The following NUAK2 variants were observed in gnomAD, a reference collection of about 807,000 sequenced individuals.
NUAK2 encodes the protein NUAK family SNF1-like kinase 2.
In NUAK2, 20 loss-of-function variants were observed where a neutral mutation model predicts 29.8. The ratio of observed to expected loss-of-function variants is 0.67; its 90% CI spans 0.47 to 0.98. The LOEUF (loss-of-function observed/expected upper bound fraction) is 0.98, where lower values mean the gene tolerates loss of function less well. NUAK2 is among the 50% of genes least tolerant of loss of function. The pLI, the probability that NUAK2 is intolerant of heterozygous loss-of-function variation, is 0.00. For synonymous variants in NUAK2, 331 were observed against 342.6 expected, an observed-to-expected ratio of 0.97 and a Z score of 0.37; for missense variants, 719 against 834.5, an observed-to-expected ratio of 0.86 and a Z score of 1.71.
chr1:205,314,081 A>G (rs777442069), intron 1 of NUAK2, among the ~76,000 whole-genome samples: 7 of 152,236 alleles, frequency 4.6e-5, no homozygotes, highest in Non-Finnish European at 1.0e-4. Flanking sequence ...TTGCAGGGGC[A>G]GCAGGCCCTG....
At chr1:205,306,518 A>G (rs767155432) in intron 4 of NUAK2, among the ~76,000 whole-genome samples, 7 of 152,176 alleles carry the variant, frequency 4.6e-5, no homozygotes, top group Non-Finnish European at 1.0e-4. Flanking sequence ...AGGAGCATCT[A>G]GACAGAGCTT....
At position 205,304,577 on chromosome 1, in the gene NUAK2, G is replaced by A; in HGVS notation, c.824-64C>T. The A allele has an allele frequency of 7.6e-7, 1 of 1,320,308 alleles. No homozygotes were observed. The highest frequency in any genetic ancestry group is 1.0e-6 in the Non-Finnish European group (1 of 979,918). 81.8% of individuals were successfully genotyped at this position (1,320,308 alleles called of 1,614,324 possible). A position where few individuals can be genotyped will look rare whatever the true frequency, so the allele number is the denominator to read the frequency against. ...CCAGAATAGGCACTCCCTGTCCCCT[G>A]TCCCCAGCTCATCCCCTTTTGAGCT... On this transcript the variant is annotated intron_variant, in intron 6 of 6. Transcript: ENST00000367157. This position sits in a 1 kb window ranked among gnomAD's most constrained non-coding sequence, Gnocchi z 6.5.
At position 205,304,256 on chromosome 1, in the gene NUAK2, C is replaced by T. The variant is rs1401371364; in HGVS notation, c.1081G>A (p.Gly361Arg). 3 of 1,614,120 alleles carry T rather than the reference C, an allele frequency of 1.9e-6. No individual in the cohort carries two copies. In the East Asian group the frequency reaches 6.7e-5, roughly 36 times the overall value. ...TCCAGGCCAGGGGTGGTGCTTCCCC[C>T]ACCAGGTGCATGCTGCTTGAAGAAG... ...CSFFKQHAPG[G>R]GSTTPGLERQ... The change falls in exon 7 of 7, where the codon GGG (glycine) becomes AGG (arginine). Residue 361 changes from glycine (G) to arginine (R), a missense_variant. Gly to Arg is a moderately radical substitution (Grantham distance 125). Transcript: ENST00000367157. This position sits in a 1 kb window ranked among gnomAD's most constrained non-coding sequence, Gnocchi z 6.5.
In NUAK2 at chr1:205,308,254, C is replaced by A; in HGVS notation, c.505-24G>T. 1 of 1,560,522 alleles carries A rather than the reference C, an allele frequency of 6.4e-7. No homozygotes were observed. The highest frequency in any genetic ancestry group is 8.7e-7 in the Non-Finnish European group (1 of 1,147,656). On this transcript the variant is annotated intron_variant, in intron 3 of 6. Coordinates refer to ENST00000367157, the MANE Select transcript of NUAK2 (RefSeq NM_030952.3). The surrounding 1 kb of genome is among the most constrained non-coding windows in gnomAD (Gnocchi z 4.1). ...TTCTGAAAGAAGGAGAGGGCAGTCA[C>A]GGGAAGGTCACCAGGGAAGGGAAGA...
rs1257510501 is a variant in NUAK2 at position 205,308,028 on chromosome 1, C to T, written c.570+137G>A. On this transcript the variant is annotated intron_variant, in intron 4 of 6. Coordinates refer to ENST00000367157, the MANE Select transcript of NUAK2 (RefSeq NM_030952.3). This position sits in a 1 kb window ranked among gnomAD's most constrained non-coding sequence, Gnocchi z 4.1. ...GTTGGAATGGATGATGGCTGAGGTC[C>T]CTACCAGTACCAATGAAGGTCAGCC... is the stretch of plus-strand genomic sequence containing the variant. 1.6e-6 allele frequency: 1 copy of T among 636,322 alleles called. No individual in the cohort carries two copies. The highest frequency in any genetic ancestry group is 1.9e-5 in the African/African-American group (1 of 53,046). The allele number at this position is 636,322 out of a possible 1,614,324, so 39.4% of individuals were successfully genotyped here.
At chr1:205,313,592 C>G (rs1042114417) in intron 1 of NUAK2, among the ~76,000 whole-genome samples, 2 of 152,064 alleles carry the variant, frequency 1.3e-5, no homozygotes, top group Non-Finnish European at 2.9e-5. Flanking sequence ...AGGCGCGGAG[C>G]TGGGGAGAGA....
rs1245398075 is a variant in NUAK2 at position 205,311,759 on chromosome 1, C to T, written c.298G>A (p.Glu100Lys). The change falls in exon 2 of 7, where the codon GAG becomes AAG. Residue 100 changes from glutamate (E) to lysine (K), a missense_variant. Coordinates refer to ENST00000367157, the MANE Select transcript of NUAK2 (RefSeq NM_030952.3). Reference protein sequence around the residue: ...DEQDLMHIRREIEIMSSLNHP... With the variant: ...DEQDLMHIRRKIEIMSSLNHP... ...TTGAGTGATGACATGATCTCAATCTCCCTCCGTATGTGCATCAGATCTTGC... is the reference window on the plus strand; with the variant it reads ...TTGAGTGATGACATGATCTCAATCTTCCTCCGTATGTGCATCAGATCTTGC... 6.2e-7 allele frequency: 1 copy of T among 1,614,168 alleles called. No homozygotes were observed.
In NUAK2 at chr1:205,308,122, G is replaced by A. The variant is rs1426637069; in HGVS notation, c.570+43C>T. ...TGGCTGGGGACAGTGCAGAAAAGCT[G>A]GGGTGGGCAAGGAGGCTTCTAGAAA... On this transcript the variant is annotated intron_variant, in intron 4 of 6. Transcript: ENST00000367157. The surrounding 1 kb of genome is among the most constrained non-coding windows in gnomAD (Gnocchi z 4.1). The A allele has an allele frequency of 1.5e-6, 2 of 1,358,388 alleles. No homozygotes were observed. The highest frequency in any genetic ancestry group is 2.4e-5 in the South Asian group (2 of 84,902). The allele number at this position is 1,358,388 out of a possible 1,614,324, so 84.1% of individuals were successfully genotyped here.
chr1:205,321,715 G>T lies in NUAK2; in HGVS notation c.-87C>A. ...GCGCGGGGCACAGGTCCCGCACCAG[G>T]ACGGGGAGCCACAGCAGTACCAGAG... is the stretch of plus-strand genomic sequence containing the variant. On this transcript the variant is annotated 5_prime_UTR_variant, in exon 1 of 7. Coordinates refer to ENST00000367157, the MANE Select transcript of NUAK2 (RefSeq NM_030952.3). 9.2e-7 allele frequency: 1 copy of T among 1,091,126 alleles called. No individual in the cohort carries two copies. The highest frequency in any genetic ancestry group is 1.3e-6 in the Non-Finnish European group (1 of 754,568). The allele number at this position is 1,091,126 out of a possible 1,614,324, so 67.6% of individuals were successfully genotyped here.
rs1662346332 is a variant in NUAK2, at chr1:205,317,537, T to C, written c.231+3861A>G. On this transcript the variant is annotated intron_variant, in intron 1 of 6. Coordinates refer to ENST00000367157, the MANE Select transcript of NUAK2 (RefSeq NM_030952.3). ...AGCTAGGCAGGGATCAGGAATGGGC[T>C]CCAAGGGGAGCCTGAGCCACCTCCC... Among the ~76,000 whole-genome samples the C allele has an allele frequency of 1.3e-5, 2 of 152,156 alleles. 1 individual carries two copies. Among genetic ancestry groups the C allele is most frequent in the South Asian group, 4.1e-4 (2 of 4,836 alleles).
chr1:205,308,792 G>T lies in NUAK2; in HGVS notation c.353-60C>A. On this transcript the variant is annotated intron_variant, in intron 2 of 6. Transcript: ENST00000367157. The surrounding 1 kb of genome is among the most constrained non-coding windows in gnomAD (Gnocchi z 4.1). ...CCAGAGTGCACTGCTCTCCACTGGG[G>T]GTGACTCACTCCTCCCCGACCCCAG... 6.3e-7 allele frequency: 1 copy of T among 1,580,910 alleles called. No homozygotes were observed. The highest frequency in any genetic ancestry group is 8.6e-7 in the Non-Finnish European group (1 of 1,156,538).
At chr1:205,309,904 C>T (rs1662233579) in intron 2 of NUAK2, among the ~76,000 whole-genome samples, 1 of 152,242 alleles carries the variant, frequency 6.6e-6, no homozygotes, top group African/African-American at 2.4e-5. Flanking sequence ...CTCATCCCAG[C>T]TGGCTCATCT....
chr1:205,320,299 C>T (rs1662393686), intron 1 of NUAK2, among the ~76,000 whole-genome samples: 1 of 152,064 alleles, frequency 6.6e-6, no homozygotes, highest in Non-Finnish European at 1.5e-5. Context: ...GAGTCTCGCT[C>T]TGTTGCCCAG....
intron 1 of NUAK2, among the ~76,000 whole-genome samples, chr1:205,319,602 C>T (rs1662377571): frequency 6.6e-6 from 1 of 152,186 alleles, no homozygotes; most frequent in African/African-American, 2.4e-5. Context: ...AGCTAAGCCC[C>T]TGACAAAGCC....
chr1:205,320,101 G>T (rs946563513), intron 1 of NUAK2, among the ~76,000 whole-genome samples: 4 of 152,210 alleles, frequency 2.6e-5, no homozygotes, highest in Non-Finnish European at 5.9e-5. Flanking sequence ...GAGAATGTAA[G>T]TATTTTAAAC....
At chr1:205,317,080 C>G (rs56236810) in intron 1 of NUAK2, among the ~76,000 whole-genome samples, 28,684 of 152,082 alleles carry the variant, frequency 0.19, 2,840 homozygotes, top group African/African-American at 0.21. Context: ...TGTAGTATCA[C>G]CAGCCACCCC....
intron 1 of NUAK2, among the ~76,000 whole-genome samples, chr1:205,315,896 T>C (rs1383232060): frequency 1.3e-5 from 2 of 151,416 alleles, no homozygotes; most frequent in African/African-American, 4.9e-5. Context: ...AAAATAAAAA[T>C]AAAATGACTA....
intron 1 of NUAK2, among the ~76,000 whole-genome samples, chr1:205,312,574 G>A (rs1010404745): frequency 1.3e-5 from 2 of 152,314 alleles, no homozygotes; most frequent in Non-Finnish European, 2.9e-5. Flanking sequence ...GCCAAGTCAG[G>A]AGGATCACCT....
chr1:205,310,236 T>G lies in NUAK2; in HGVS notation c.352+1469A>C, dbSNP rs576788764. ...CCTTATCTGTGGAGGCCCAGCCTCC[T>G]GGGGATGCCTGGCTGAGACTCCACC... On this transcript the variant is annotated intron_variant, in intron 2 of 6. Coordinates refer to ENST00000367157, the MANE Select transcript of NUAK2 (RefSeq NM_030952.3). Among the ~76,000 whole-genome samples the G allele has an allele frequency of 3.9e-5, 6 of 152,304 alleles. 1 individual carries two copies. In the South Asian group the frequency reaches 1.2e-3, roughly 32 times the overall value.
Sources: allele counts gnomAD v4.1 joint callset (sites outside exome capture counted in the v4.1 genomes callset), GRCh38; gene constraint gnomAD v4.1.1; non-coding constraint Gnocchi (gnomAD v3.1); transcripts MANE v1.5; gene names NCBI Gene and HGNC (gene_info 2026-07-23, HGNC 2026-07-21).